PCLO: variants seen among roughly 807,000 people sequenced by gnomAD.
PCLO encodes protein piccolo.
In PCLO, 82 loss-of-function variants were observed where a neutral mutation model predicts 427.5. The observed-to-expected ratio is 0.19, with a 90% CI of 0.16 to 0.23. The LOEUF (loss-of-function observed/expected upper bound fraction) is 0.23. Ranked by LOEUF, PCLO falls within the 10% of genes least tolerant of loss-of-function variation. PCLO has a pLI of 1.00. For missense variants in PCLO, 6,239 were observed against 6,115.9 expected (o/e 1.02, Z -0.67); for synonymous variants, 2,357 against 2,155.4 (o/e 1.09, Z -2.59).
intron 3 of PCLO, among the ~76,000 whole-genome samples, chr7:83,072,256 C>A (rs2107878): frequency 0.24 from 35,912 of 151,750 alleles, 4,835 homozygotes; most frequent in East Asian, 0.56. Context: ...ACATGAAAAC[C>A]ACTTAAGTAT....
At chr7:82,879,971 TTA>T in intron 9 of PCLO, 1 of 358,902 alleles carries the variant, frequency 2.8e-6, no homozygotes, top group Non-Finnish European at 5.3e-6. Flanking sequence ...TGTTTGTGTA[TTA>T]ACCTGACACT....
chr7:83,007,694 A>T (rs1285441581), intron 3 of PCLO, among the ~76,000 whole-genome samples: 1 of 151,592 alleles, frequency 6.6e-6, no homozygotes, highest in Non-Finnish European at 1.5e-5. Flanking sequence ...GTGGGTTTGT[A>T]GAGTCAGACT....
intron 3 of PCLO, among the ~76,000 whole-genome samples, chr7:82,977,083 T>C (rs750575840): frequency 4.0e-4 from 61 of 151,972 alleles, no homozygotes; most frequent in Non-Finnish European, 7.4e-4. Context: ...AAGGAGTGTA[T>C]ATTTACACTC....
intron 2 of PCLO, among the ~76,000 whole-genome samples, chr7:83,138,153 G>T (rs1229152786): frequency 6.6e-6 from 1 of 152,132 alleles, no homozygotes; most frequent in Non-Finnish European, 1.5e-5. Context: ...TATAGTCACT[G>T]ACTTTTTTCT....
intron 20 of PCLO, among the ~76,000 whole-genome samples, chr7:82,819,235 C>G (rs1184253824): frequency 6.6e-6 from 1 of 151,844 alleles, no homozygotes; most frequent in Non-Finnish European, 1.5e-5. Flanking sequence ...TCTAGTTTTC[C>G]TTTCAATTAT....
chr7:82,995,585 T>G (rs1190903354), intron 3 of PCLO, among the ~76,000 whole-genome samples: 1 of 151,962 alleles, frequency 6.6e-6, no homozygotes, highest in Non-Finnish European at 1.5e-5. Context: ...CTACTTGATG[T>G]GGACATGATA....
intron 10 of PCLO, among the ~76,000 whole-genome samples, chr7:82,855,244 G>A (rs1792771998): frequency 6.6e-6 from 1 of 152,044 alleles, no homozygotes; most frequent in Admixed American, 6.6e-5. Context: ...TAGTAAGCAA[G>A]ATACTTATAA....
chr7:83,084,584 A>G (rs922453209), intron 3 of PCLO, among the ~76,000 whole-genome samples: 2 of 152,168 alleles, frequency 1.3e-5, no homozygotes, highest in African/African-American at 2.4e-5. Context: ...AATAAATGTT[A>G]TTATGTTGTT....
At chr7:82,947,036 A>C (rs1795219783) in intron 6 of PCLO, among the ~76,000 whole-genome samples, 3 of 152,206 alleles carry the variant, frequency 2.0e-5, no homozygotes, top group African/African-American at 7.2e-5. Context: ...TTCTGATTGT[A>C]TTTACAGTAA....
chr7:83,041,177 T>C (rs1191374810), intron 3 of PCLO, among the ~76,000 whole-genome samples: 4 of 152,122 alleles, frequency 2.6e-5, no homozygotes, highest in African/African-American at 7.2e-5. Context: ...ATAAAGTGTA[T>C]CCTTTAAAAA....
chr7:82,950,944 T>A lies in PCLO; in HGVS notation c.9644A>T (p.Asp3215Val), dbSNP rs1168672597. Residue 3215 changes from aspartate (D) to valine (V), a missense_variant, in exon 6 of 25, where the codon GAC (aspartate) becomes GTC (valine). Asp to Val is a radical substitution (Grantham distance 152, BLOSUM62 -3). Coordinates refer to ENST00000333891, the MANE Select transcript of PCLO (RefSeq NM_033026.6). ...CAGTTCCAGGAGCTCACGCTCCAAG[T>A]CTAGCTGCTGCTGTTGTTTATCTTC... The part of the protein sequence containing the change: ...PEEDKQQQQL[D>V]LERELLELEK... 6.2e-7 allele frequency: 1 copy of A among 1,613,516 alleles called. No individual in the cohort carries two copies. The highest frequency in any genetic ancestry group is 2.2e-5 in the East Asian group (1 of 44,860).
At chr7:82,906,970 T>C (rs1312041589) in intron 8 of PCLO, among the ~76,000 whole-genome samples, 1 of 151,968 alleles carries the variant, frequency 6.6e-6, no homozygotes, top group Admixed American at 6.6e-5. Flanking sequence ...AATTTTGACA[T>C]TATATTGGTC....
At chr7:83,025,695 A>G (rs1428905131) in intron 3 of PCLO, among the ~76,000 whole-genome samples, 1 of 151,958 alleles carries the variant, frequency 6.6e-6, no homozygotes, top group Non-Finnish European at 1.5e-5. Flanking sequence ...TGTTAAGGGC[A>G]GCCAGAGAGA....
At chr7:82,830,806 T>C (rs1028868985) in intron 16 of PCLO, among the ~76,000 whole-genome samples, 1 of 152,034 alleles carries the variant, frequency 6.6e-6, no homozygotes, top group Admixed American at 6.6e-5. Context: ...GAAGTAGTAT[T>C]AAAATACCTT....
intron 22 of PCLO, among the ~76,000 whole-genome samples, chr7:82,764,631 A>C (rs1272105625): frequency 6.6e-6 from 1 of 151,962 alleles, no homozygotes; most frequent in African/African-American, 2.4e-5. Flanking sequence ...AATCAATAAG[A>C]GTGCAGAGGT....
In PCLO at chr7:82,756,986, T is replaced by C. The variant is rs1274661642; in HGVS notation, c.*1589A>G. 1 of 152,158 alleles carries C rather than the reference T, an allele frequency of 6.6e-6. No homozygotes were observed. 9.4% of individuals were successfully genotyped at this position (152,158 alleles called of 1,614,324 possible). A position where few individuals can be genotyped will look rare whatever the true frequency, so the allele number is the denominator to read the frequency against. On this transcript the variant is annotated 3_prime_UTR_variant, in exon 25 of 25. Coordinates refer to ENST00000333891, the MANE Select transcript of PCLO (RefSeq NM_033026.6). ...ATTTGAGAATTAAAAAGATATGTAA[T>C]AATTATTCCTCACTTCTGTGTATAA...
intron 6 of PCLO, among the ~76,000 whole-genome samples, chr7:82,944,640 C>T (rs1327574315): frequency 6.6e-6 from 1 of 152,118 alleles, no homozygotes; most frequent in Non-Finnish European, 1.5e-5. Flanking sequence ...AGAGAAGCAA[C>T]ATTACATACT....
At chr7:82,844,974 G>A (rs540343967) in intron 13 of PCLO, among the ~76,000 whole-genome samples, 5 of 151,984 alleles carry the variant, frequency 3.3e-5, no homozygotes, top group South Asian at 2.1e-4. Context: ...TTCTATATAC[G>A]TATCTCAGAT....
At chr7:82,838,577 G>A (rs910048403) in intron 14 of PCLO, among the ~76,000 whole-genome samples, 1 of 151,732 alleles carries the variant, frequency 6.6e-6, no homozygotes, top group Non-Finnish European at 1.5e-5. Context: ...GGCCTGGCCT[G>A]TTTAAAAGTT....
Sources: allele counts gnomAD v4.1 joint callset (sites outside exome capture counted in the v4.1 genomes callset), GRCh38; gene constraint gnomAD v4.1.1; transcripts MANE v1.5; gene names NCBI Gene and HGNC (gene_info 2026-07-23, HGNC 2026-07-21).